Variants in SGCZ observed in about 807,000 individuals in gnomAD.
SGCZ encodes the protein zeta-sarcoglycan.
Under a neutral mutation model 41.3 loss-of-function variants are expected in SGCZ, and 40 were observed. The observed-to-expected ratio is 0.97, with a 90% CI of 0.75 to 1.26. The LOEUF is 1.26. SGCZ is among the 50% of genes most tolerant of loss of function. The pLI, the probability that SGCZ is intolerant of heterozygous loss-of-function variation, is 0.00. For missense variants in SGCZ, 552 were observed against 369.8 expected, an observed-to-expected ratio of 1.49 and a Z score of -4.04; for synonymous variants, 206 against 137.5, an observed-to-expected ratio of 1.50 and a Z score of -3.49.
intron 4 of SGCZ, among the ~76,000 whole-genome samples, chr8:14,184,674 T>C (rs894354614): frequency 1.3e-5 from 2 of 152,174 alleles, no homozygotes; most frequent in African/African-American, 2.4e-5. Context: ...TTTAAAAGTA[T>C]CTAGCATAGT....
intron 2 of SGCZ, among the ~76,000 whole-genome samples, chr8:14,425,297 T>G (rs1182584682): frequency 6.6e-6 from 1 of 152,140 alleles, no homozygotes; most frequent in African/African-American, 2.4e-5. Context: ...AATACCACTT[T>G]TATCTGTGCT....
At chr8:14,634,750 T>G (rs1416348397) in intron 1 of SGCZ, among the ~76,000 whole-genome samples, 2 of 151,802 alleles carry the variant, frequency 1.3e-5, no homozygotes. Flanking sequence ...TTTCCTGACT[T>G]TTCTAAGAAC....
intron 1 of SGCZ, among the ~76,000 whole-genome samples, chr8:14,789,376 A>T (rs1009728439): frequency 6.6e-6 from 1 of 152,224 alleles, no homozygotes; most frequent in Non-Finnish European, 1.5e-5. Flanking sequence ...ACACAGGCAC[A>T]TGTCTACAAA....
chr8:15,034,437 G>A (rs1041725909), intron 1 of SGCZ, among the ~76,000 whole-genome samples: 4 of 151,728 alleles, frequency 2.6e-5, no homozygotes, highest in Non-Finnish European at 5.9e-5. Flanking sequence ...GAATAACAAG[G>A]AATAAAAAAG....
At chr8:14,326,673 C>A (rs945194886) in intron 2 of SGCZ, among the ~76,000 whole-genome samples, 2 of 152,088 alleles carry the variant, frequency 1.3e-5, no homozygotes, top group Non-Finnish European at 2.9e-5. Context: ...TGAACGATTT[C>A]AAGTGGAATT....
chr8:15,156,189 G>A (rs1189271442), intron 1 of SGCZ, among the ~76,000 whole-genome samples: 2 of 151,924 alleles, frequency 1.3e-5, no homozygotes, highest in Non-Finnish European at 2.9e-5. Context: ...TTTTCAAGGA[G>A]ACTCAATTAA....
chr8:14,551,601 A>G, intron 2 of SGCZ, among the ~76,000 whole-genome samples: 1 of 65,918 alleles, frequency 1.5e-5, no homozygotes, highest in Non-Finnish European at 2.7e-5. Flanking sequence ...TATATATTAT[A>G]TATATTATAT....
intron 3 of SGCZ, among the ~76,000 whole-genome samples, chr8:14,250,836 A>G (rs940795460): frequency 6.6e-6 from 1 of 152,108 alleles, no homozygotes; most frequent in Admixed American, 6.6e-5. Context: ...TCCCTGTCTT[A>G]AGTTGGCTCC....
At chr8:14,659,786 C>T (rs758832473) in intron 1 of SGCZ, among the ~76,000 whole-genome samples, 1 of 152,116 alleles carries the variant, frequency 6.6e-6, no homozygotes, top group Non-Finnish European at 1.5e-5. Context: ...GTCCTTAAAT[C>T]CAGTACCTCA....
At chr8:15,098,525 C>A (rs1032363125) in intron 1 of SGCZ, among the ~76,000 whole-genome samples, 2 of 152,172 alleles carry the variant, frequency 1.3e-5, no homozygotes, top group African/African-American at 4.8e-5. Flanking sequence ...TTCGTATTTA[C>A]AATATGCTAG....
At chr8:14,655,876 G>A (rs768234804) in intron 1 of SGCZ, among the ~76,000 whole-genome samples, 27 of 152,034 alleles carry the variant, frequency 1.8e-4, no homozygotes, top group Non-Finnish European at 3.5e-4. Context: ...GCAACCTTTT[G>A]TGGTTGCCTT....
At chr8:14,422,454 T>G (rs1799660807) in intron 2 of SGCZ, among the ~76,000 whole-genome samples, 1 of 152,214 alleles carries the variant, frequency 6.6e-6, no homozygotes, top group Non-Finnish European at 1.5e-5. Context: ...GACTACTTAA[T>G]TTAAATAGTG....
chr8:14,574,535 C>A (rs781477618), intron 1 of SGCZ, among the ~76,000 whole-genome samples: 2 of 152,176 alleles, frequency 1.3e-5, no homozygotes, highest in Non-Finnish European at 2.9e-5. Flanking sequence ...TCTGAGCAGA[C>A]AGGACTTGCT....
At chr8:14,706,658 C>A (rs998867243) in intron 1 of SGCZ, among the ~76,000 whole-genome samples, 1 of 152,020 alleles carries the variant, frequency 6.6e-6, no homozygotes, top group African/African-American at 2.4e-5. Flanking sequence ...TACTAGAAAC[C>A]AGGTTGTAGC....
intron 2 of SGCZ, among the ~76,000 whole-genome samples, chr8:14,538,223 T>G: frequency 6.6e-6 from 1 of 152,010 alleles, no homozygotes. Flanking sequence ...ATTTTTATCA[T>G]GTCTCTGAAT....
chr8:14,597,207 C>A (rs558736928), intron 1 of SGCZ, among the ~76,000 whole-genome samples: 12 of 152,118 alleles, frequency 7.9e-5, no homozygotes, highest in Non-Finnish European at 1.6e-4. Flanking sequence ...TTTATTGAAG[C>A]AGCTGCTAGT....
At chr8:14,802,927 G>A (rs1004963146) in intron 1 of SGCZ, among the ~76,000 whole-genome samples, 9 of 152,122 alleles carry the variant, frequency 5.9e-5, no homozygotes, top group African/African-American at 2.2e-4. Flanking sequence ...TAAAGCAGCA[G>A]GACCTTATAA....
intron 2 of SGCZ, among the ~76,000 whole-genome samples, chr8:14,490,012 T>A (rs998053228): frequency 2.0e-5 from 3 of 151,928 alleles, no homozygotes; most frequent in African/African-American, 4.8e-5. Context: ...GGATTAAAGG[T>A]GCATGCCACC....
intron 1 of SGCZ, among the ~76,000 whole-genome samples, chr8:15,003,711 A>G (rs991443176): frequency 6.6e-6 from 1 of 152,198 alleles, no homozygotes; most frequent in Non-Finnish European, 1.5e-5. Flanking sequence ...CTGGAAATAA[A>G]TCAGGATTTA....
Sources: gnomAD v4.1 joint callset for allele counts (sites outside exome capture counted in the v4.1 genomes callset) on GRCh38, gnomAD v4.1.1 for gene constraint, MANE v1.5 for transcripts, NCBI Gene and HGNC (gene_info 2026-07-23, HGNC 2026-07-21) for gene names.